The following PKP4 variants were observed in gnomAD, a reference collection of about 807,000 sequenced individuals.
PKP4 encodes the protein plakophilin 4.
Under a neutral mutation model 145.1 loss-of-function variants are expected in PKP4, and 90 were observed. That is an observed-to-expected ratio of 0.62 (90% CI 0.52 to 0.74). The LOEUF (loss-of-function observed/expected upper bound fraction) is 0.74, where lower values mean the gene tolerates loss of function less well. Ranked by LOEUF, PKP4 falls within the 30% of genes least tolerant of loss-of-function variation. PKP4 has a pLI of 0.00. For missense variants in PKP4, 1,340 were observed against 1,482.7 expected (o/e 0.90, Z 1.58); for synonymous variants, 563 against 577.2 (o/e 0.98, Z 0.35).
intron 7 of PKP4, 93 bp downstream of exon 7, chr2:158,625,520 T>C: frequency 9.5e-7 from 1 of 1,051,884 alleles, no homozygotes; most frequent in Non-Finnish European, 1.4e-6. Context: ...TGGAAAAGGC[T>C]CATTCGTGTT....
intron 1 of PKP4, among the ~76,000 whole-genome samples, chr2:158,460,666 A>G (rs1202146930): frequency 1.3e-5 from 2 of 152,218 alleles, no homozygotes; most frequent in African/African-American, 2.4e-5. Context: ...GCTTAATTCT[A>G]AAATGGACAT....
intron 9 of PKP4, among the ~76,000 whole-genome samples, chr2:158,638,564 A>G (rs2105926013): frequency 6.6e-6 from 1 of 152,274 alleles, no homozygotes; most frequent in South Asian, 2.1e-4. Flanking sequence ...CTGTTCACCA[A>G]GCCAGAAACT....
At chr2:158,651,870 C>G (rs1340639093) in intron 11 of PKP4, among the ~76,000 whole-genome samples, 1 of 151,950 alleles carries the variant, frequency 6.6e-6, no homozygotes, top group Admixed American at 6.6e-5. Flanking sequence ...GTGTTGAGCT[C>G]CTGGCACACA....
intron 1 of PKP4, among the ~76,000 whole-genome samples, chr2:158,508,655 C>T (rs116204597): frequency 6.6e-6 from 1 of 152,228 alleles, no homozygotes; most frequent in African/African-American, 2.4e-5. Context: ...CTTTGCTAAA[C>T]GTTAGATTAA....
At chr2:158,677,692 A>G (rs1173164617) in intron 20 of PKP4, among the ~76,000 whole-genome samples, 1 of 152,204 alleles carries the variant, frequency 6.6e-6, no homozygotes. Flanking sequence ...TCACAGGACT[A>G]TTTACTAATC....
intron 1 of PKP4, among the ~76,000 whole-genome samples, chr2:158,489,716 T>C (rs1245768991): frequency 6.6e-6 from 1 of 152,272 alleles, no homozygotes; most frequent in Non-Finnish European, 1.5e-5. Context: ...ATGTTATTCA[T>C]GTCATTTACA....
chr2:158,531,159 A>G (rs1219707794), intron 1 of PKP4, among the ~76,000 whole-genome samples: 2 of 152,212 alleles, frequency 1.3e-5, no homozygotes, highest in African/African-American at 4.8e-5. Flanking sequence ...ATGTAATACA[A>G]TTACCATAAT....
chr2:158,634,009 T>C, intron 8 of PKP4, 61 bp from the exon 9 acceptor site: 1 of 891,098 alleles, frequency 1.1e-6, no homozygotes, highest in Non-Finnish European at 1.8e-6. Flanking sequence ...TGTTTTACCT[T>C]TAATTAAAGT....
chr2:158,513,096 C>A (rs1211042906), intron 1 of PKP4, among the ~76,000 whole-genome samples: 1 of 152,128 alleles, frequency 6.6e-6, no homozygotes, highest in Admixed American at 6.6e-5. Context: ...TACTAACTAT[C>A]CTCTTCTCTA....
intron 7 of PKP4, among the ~76,000 whole-genome samples, chr2:158,629,750 G>A (rs932106667): frequency 1.3e-5 from 2 of 151,496 alleles, no homozygotes; most frequent in African/African-American, 4.9e-5. Context: ...TGTCTCTGTT[G>A]CCCAGGCTGG....
chr2:158,651,622 G>A lies in PKP4; in HGVS notation c.1910-6509G>A, dbSNP rs546295187. ...TGCACCCCAAACCTGCTTCTTTCTG[G>A]CCTCTGTCCTTGACACTGCAACTCA... On this transcript the variant is annotated intron_variant, in intron 11 of 21. Coordinates refer to ENST00000389759, the MANE Select transcript of PKP4 (RefSeq NM_003628.6). Among the ~76,000 whole-genome samples the A allele has an allele frequency of 2.0e-5, 3 of 151,914 alleles. No homozygotes were observed. In the East Asian group the frequency reaches 5.9e-4, roughly 30 times the overall value.
At chr2:158,491,576 C>T (rs1449612233) in intron 1 of PKP4, among the ~76,000 whole-genome samples, 1 of 152,030 alleles carries the variant, frequency 6.6e-6, no homozygotes, top group East Asian at 1.9e-4. Flanking sequence ...ATTTGAGGGA[C>T]ATCATTATAT....
At chr2:158,467,004 G>T (rs1169959967) in intron 1 of PKP4, among the ~76,000 whole-genome samples, 1 of 152,188 alleles carries the variant, frequency 6.6e-6, no homozygotes, top group Admixed American at 6.5e-5. Context: ...TTACAAAAAT[G>T]CTAAGGGTTA....
At chr2:158,510,993 A>T (rs2041455997) in intron 1 of PKP4, among the ~76,000 whole-genome samples, 1 of 152,176 alleles carries the variant, frequency 6.6e-6, no homozygotes. Context: ...GTTGTGCCAG[A>T]CCACAGAGTG....
At chr2:158,668,008 A>G (rs2057256998) in intron 16 of PKP4, among the ~76,000 whole-genome samples, 1 of 152,222 alleles carries the variant, frequency 6.6e-6, no homozygotes, top group South Asian at 2.1e-4. Context: ...ACGCAAAGAC[A>G]CAGGTAGACA....
chr2:158,674,897 G>A (rs559548500), intron 19 of PKP4, among the ~76,000 whole-genome samples: 38 of 152,306 alleles, frequency 2.5e-4, no homozygotes, highest in Non-Finnish European at 4.7e-4. Context: ...CCAAAAAGAC[G>A]AATATACATG....
chr2:158,503,867 C>T (rs1411471057), intron 1 of PKP4, among the ~76,000 whole-genome samples: 1 of 151,314 alleles, frequency 6.6e-6, no homozygotes, highest in African/African-American at 2.4e-5. Flanking sequence ...TTGCTGGGCT[C>T]TGTACCCAGA....
chr2:158,558,482 G>A (rs1261342516), intron 2 of PKP4, among the ~76,000 whole-genome samples: 1 of 152,152 alleles, frequency 6.6e-6, no homozygotes, highest in African/African-American at 2.4e-5. Flanking sequence ...GAAGTCATCA[G>A]TGATTTTGAA....
At chr2:158,474,707 A>G (rs969121416) in intron 1 of PKP4, among the ~76,000 whole-genome samples, 7 of 151,882 alleles carry the variant, frequency 4.6e-5, no homozygotes, top group African/African-American at 1.7e-4. Flanking sequence ...GAGATAGGAG[A>G]GGAGGATCCA....
Sources: gnomAD v4.1 joint callset for allele counts (sites outside exome capture counted in the v4.1 genomes callset) on GRCh38, gnomAD v4.1.1 for gene constraint, MANE v1.5 for transcripts, NCBI Gene and HGNC (gene_info 2026-07-23, HGNC 2026-07-21) for gene names.